PTPN4: variants seen among roughly 807,000 people sequenced by gnomAD.
PTPN4 encodes tyrosine-protein phosphatase non-receptor type 4.
A neutral mutation model predicts 135.5 loss-of-function variants in PTPN4; 49 were observed. The ratio of observed to expected loss-of-function variants is 0.36; its 90% CI spans 0.29 to 0.46. The LOEUF (loss-of-function observed/expected upper bound fraction) is 0.46. PTPN4 is among the 20% of genes least tolerant of loss of function. The probability of loss-of-function intolerance (pLI) is 1.00; values close to 1 mark genes in which losing one functional copy is unlikely to be tolerated. For missense variants in PTPN4, 860 were observed against 1,101.0 expected (o/e 0.78, Z 3.10); for synonymous variants, 333 against 369.9 (o/e 0.90, Z 1.14).
intron 1 of PTPN4, among the ~76,000 whole-genome samples, chr2:119,789,782 G>T (rs1691109907): frequency 6.6e-6 from 1 of 152,142 alleles, no homozygotes; most frequent in Non-Finnish European, 1.5e-5. Context: ...GAGTGCAGTG[G>T]TGTGATCTCG....
intron 10 of PTPN4, among the ~76,000 whole-genome samples, chr2:119,906,545 A>G (rs1678491947): frequency 6.6e-6 from 1 of 152,244 alleles, no homozygotes; most frequent in South Asian, 2.1e-4. Flanking sequence ...TATTACATCA[A>G]CAGATTGAAA....
intron 2 of PTPN4, among the ~76,000 whole-genome samples, chr2:119,819,212 G>A (rs969605113): frequency 6.6e-6 from 1 of 152,208 alleles, no homozygotes; most frequent in African/African-American, 2.4e-5. Context: ...AAGCCAGCGT[G>A]AGACTTGATT....
chr2:119,775,837 CTA>C (rs1172010858), intron 1 of PTPN4, among the ~76,000 whole-genome samples: 2 of 111,440 alleles, frequency 1.8e-5, no homozygotes, highest in Non-Finnish European at 4.0e-5. Flanking sequence ...ATATCTATAT[CTA>C]TATATCTATC....
intron 9 of PTPN4, among the ~76,000 whole-genome samples, chr2:119,890,253 A>T (rs1678221234): frequency 6.8e-6 from 1 of 146,044 alleles, no homozygotes; most frequent in South Asian, 2.2e-4. Flanking sequence ...CTTTGTCATT[A>T]TATAATGACC....
At chr2:119,875,469 T>C (rs1677970765) in intron 3 of PTPN4, among the ~76,000 whole-genome samples, 1 of 152,126 alleles carries the variant, frequency 6.6e-6, no homozygotes, top group African/African-American at 2.4e-5. Flanking sequence ...TTGTAGACAG[T>C]CATTAAAGTG....
At chr2:119,946,813 T>G (rs1248870163) in intron 18 of PTPN4, 1 of 412,814 alleles carries the variant, frequency 2.4e-6, no homozygotes, top group Non-Finnish European at 4.3e-6. Context: ...TCTAAAGCAT[T>G]AACAGATTCT....
chr2:119,769,987 C>T lies in PTPN4; in HGVS notation c.-18+9603C>T, dbSNP rs577400552. 5.3e-5 allele frequency among the ~76,000 whole-genome samples: 8 copies of T among 152,248 alleles called. 1 individual carries two copies. The highest frequency in any genetic ancestry group is 1.7e-4 in the African/African-American group (7 of 41,538). The stretch of plus-strand genomic sequence containing the variant: ...CTCTTTGCTCATTTTTATACAAACA[C>T]GAATTCTAAGTATATTCTTGTATAT... On this transcript the variant is annotated intron_variant, in intron 1 of 26. Transcript: ENST00000263708.
intron 9 of PTPN4, among the ~76,000 whole-genome samples, chr2:119,898,141 C>T (rs549274320): frequency 1.0e-3 from 153 of 152,300 alleles, no homozygotes; most frequent in African/African-American, 3.6e-3. Flanking sequence ...GACACGGTTA[C>T]ACACAATCTC....
intron 13 of PTPN4, among the ~76,000 whole-genome samples, chr2:119,927,469 T>C (rs1176885485): frequency 6.6e-6 from 1 of 152,096 alleles, no homozygotes; most frequent in African/African-American, 2.4e-5. Context: ...TTTTAGAAAA[T>C]AGTATTATGA....
rs573341241 is a variant in PTPN4 at position 119,791,014 on chromosome 2, C to T, written c.-17-18823C>T. 3.3e-5 allele frequency: 5 copies of T among 152,200 alleles called. 1 individual carries two copies. The East Asian group carries it at 9.6e-4, about 29-fold the overall frequency. 9.4% of individuals were successfully genotyped at this position (152,200 alleles called of 1,614,324 possible). A position where few individuals can be genotyped will look rare whatever the true frequency, so the allele number is the denominator to read the frequency against. The stretch of plus-strand genomic sequence containing the variant: ...AATTGCATCTTTATACATTGTAAGC[C>T]CATCAACGTTGTATTGCTTTACGCA... On this transcript the variant is annotated intron_variant, in intron 1 of 26. Transcript: ENST00000263708.
intron 1 of PTPN4, among the ~76,000 whole-genome samples, chr2:119,802,675 TTTTC>T (rs1691397864): frequency 2.0e-5 from 3 of 152,156 alleles, no homozygotes; most frequent in Non-Finnish European, 1.5e-5. Context: ...TGGTTTGTAG[TTTTC>T]TTTATGTTTT....
intron 9 of PTPN4, among the ~76,000 whole-genome samples, chr2:119,886,297 T>C (rs1678154091): frequency 6.6e-6 from 1 of 152,206 alleles, no homozygotes; most frequent in South Asian, 2.1e-4. Flanking sequence ...TTACGAGTTT[T>C]TATTTATAAA....
chr2:119,885,985 C>A, intron 9 of PTPN4, 103 bp downstream of exon 9: 1 of 729,202 alleles, frequency 1.4e-6, no homozygotes, highest in Non-Finnish European at 2.2e-6. Context: ...ATGATTGCTG[C>A]TGACACAGCT....
intron 3 of PTPN4, among the ~76,000 whole-genome samples, chr2:119,876,940 T>TGC (rs1553458137): frequency 0.023 from 3,353 of 148,466 alleles, 126 homozygotes; most frequent in African/African-American, 0.065. Flanking sequence ...TGTGTGTGTG[T>TGC]GCGTGAAGGG....
intron 2 of PTPN4, 70 bp downstream of exon 2, chr2:119,810,061 A>G (rs368925245): frequency 8.2e-6 from 12 of 1,467,372 alleles, no homozygotes; most frequent in Non-Finnish European, 1.1e-5. Flanking sequence ...TATGTAAACT[A>G]GGATTATTAA....
intron 24 of PTPN4, 68 bp downstream of exon 24, chr2:119,962,812 T>G: frequency 7.9e-7 from 1 of 1,265,228 alleles, no homozygotes; most frequent in Non-Finnish European, 1.0e-6. Flanking sequence ...GCTGAAAATG[T>G]TTTTAGTTTG....
At chr2:119,943,704 G>GC (rs757505154) in intron 15 of PTPN4, among the ~76,000 whole-genome samples, 120 of 143,292 alleles carry the variant, frequency 8.4e-4, no homozygotes, top group East Asian at 1.5e-3. Flanking sequence ...TCCTGCCTCA[G>GC]CCCCCCCGAG....
intron 9 of PTPN4, among the ~76,000 whole-genome samples, chr2:119,899,237 T>G (rs1678368811): frequency 6.6e-6 from 1 of 152,220 alleles, no homozygotes. Flanking sequence ...TTCCTATAGT[T>G]GAATCCAGTT....
At chr2:119,932,246 A>G (rs1678917576) in intron 13 of PTPN4, 178 bp from the exon 14 acceptor site, 1 of 496,496 alleles carries the variant, frequency 2.0e-6, no homozygotes, top group Non-Finnish European at 3.5e-6. Flanking sequence ...TATAAAGCCA[A>G]TGTACATTCT....
Sources: gnomAD v4.1 joint callset for allele counts (sites outside exome capture counted in the v4.1 genomes callset) on GRCh38, gnomAD v4.1.1 for gene constraint, MANE v1.5 for transcripts, NCBI Gene and HGNC (gene_info 2026-07-23, HGNC 2026-07-21) for gene names.